Variants in ZNF804B observed in about 807,000 individuals in gnomAD.
ZNF804B encodes zinc finger 804B.
In ZNF804B, 80 loss-of-function variants were observed where a neutral mutation model predicts 101.4. That is an observed-to-expected ratio of 0.79 (90% CI 0.66 to 0.95). The LOEUF (loss-of-function observed/expected upper bound fraction) is 0.95. ZNF804B is among the 40% of genes least tolerant of loss of function. The probability of loss-of-function intolerance (pLI) is 0.00; values close to 1 mark genes in which losing one functional copy is unlikely to be tolerated. For missense variants in ZNF804B, 1,673 were observed against 1,561.9 expected (o/e 1.07, Z -1.20); for synonymous variants, 622 against 558.8 (o/e 1.11, Z -1.59).
chr7:89,160,546 A>G (rs980132166), intron 1 of ZNF804B, among the ~76,000 whole-genome samples: 2 of 152,190 alleles, frequency 1.3e-5, no homozygotes, highest in Non-Finnish European at 2.9e-5. Context: ...AGTAATCACT[A>G]AATAACACAG....
At chr7:89,314,932 T>A (rs1185057642) in intron 2 of ZNF804B, among the ~76,000 whole-genome samples, 1 of 152,218 alleles carries the variant, frequency 6.6e-6, no homozygotes, top group Non-Finnish European at 1.5e-5. Context: ...ACCAAGTTCC[T>A]ACTGGTGAAC....
intron 1 of ZNF804B, among the ~76,000 whole-genome samples, chr7:89,065,147 A>G (rs1465278464): frequency 6.6e-6 from 1 of 152,190 alleles, no homozygotes; most frequent in Non-Finnish European, 1.5e-5. Flanking sequence ...GGAGCTTGCC[A>G]GAGCAGCCCC....
At chr7:89,235,225 G>A (rs1384922151) in intron 2 of ZNF804B, among the ~76,000 whole-genome samples, 1 of 152,206 alleles carries the variant, frequency 6.6e-6, no homozygotes, top group South Asian at 2.1e-4. Flanking sequence ...AGAAATTTCT[G>A]TTTATTTTTT....
intron 1 of ZNF804B, among the ~76,000 whole-genome samples, chr7:88,878,234 G>A (rs190086562): frequency 1.6e-4 from 25 of 152,160 alleles, no homozygotes; most frequent in African/African-American, 5.5e-4. Context: ...AAGGGTTTTG[G>A]ATCCTCCTGT....
intron 1 of ZNF804B, among the ~76,000 whole-genome samples, chr7:88,847,784 T>A (rs10231232): frequency 6.6e-6 from 1 of 152,154 alleles, no homozygotes; most frequent in African/African-American, 2.4e-5. Context: ...TATGCTTCCT[T>A]AAGTAGTGAC....
intron 1 of ZNF804B, among the ~76,000 whole-genome samples, chr7:89,074,204 G>A (rs1789582787): frequency 6.6e-6 from 1 of 152,130 alleles, no homozygotes. Flanking sequence ...TGAATTTCTT[G>A]TAAAGTCAAA....
At chr7:89,238,846 T>C (rs1294454519) in intron 2 of ZNF804B, among the ~76,000 whole-genome samples, 1 of 152,162 alleles carries the variant, frequency 6.6e-6, no homozygotes, top group Non-Finnish European at 1.5e-5. Context: ...GCCCTGGGTG[T>C]TGTTGAGGCT....
chr7:89,157,023 A>G lies in ZNF804B; in HGVS notation c.109-61132A>G, dbSNP rs187673219. Among the ~76,000 whole-genome samples the G allele has an allele frequency of 3.4e-3, 513 of 152,248 alleles. 1 individual carries two copies. The highest frequency in any genetic ancestry group is 0.012 in the African/African-American group (487 of 41,552). On this transcript the variant is annotated intron_variant, in intron 1 of 3. Transcript: ENST00000333190. ...ACACCTGCCACTTGAAATCACCCTCATTTACTCGAGACTGCCACAGATGCA... is the reference window on the plus strand; with the variant it reads ...ACACCTGCCACTTGAAATCACCCTCGTTTACTCGAGACTGCCACAGATGCA...
chr7:88,781,750 T>G (rs757097422), intron 1 of ZNF804B, among the ~76,000 whole-genome samples: 48 of 151,374 alleles, frequency 3.2e-4, no homozygotes, highest in Non-Finnish European at 5.3e-4. Flanking sequence ...TGAACACAGA[T>G]CCTCAAATAT....
intron 1 of ZNF804B, among the ~76,000 whole-genome samples, chr7:89,014,252 G>A (rs188440371): frequency 1.3e-5 from 2 of 152,152 alleles, no homozygotes; most frequent in East Asian, 3.9e-4. Context: ...TCTAACTGTG[G>A]TCAGATGATA....
At chr7:89,174,006 A>T (rs989678536) in intron 1 of ZNF804B, among the ~76,000 whole-genome samples, 1 of 152,046 alleles carries the variant, frequency 6.6e-6, no homozygotes, top group Non-Finnish European at 1.5e-5. Flanking sequence ...ATTTTGTTAC[A>T]GGCATTCAAT....
chr7:89,008,342 A>C (rs1165751445), intron 1 of ZNF804B, among the ~76,000 whole-genome samples: 9 of 143,714 alleles, frequency 6.3e-5, no homozygotes, highest in South Asian at 2.1e-4. Flanking sequence ...GTGAGCACCC[A>C]AAAAAAACAG....
At chr7:89,222,728 A>T (rs1356551884) in intron 2 of ZNF804B, among the ~76,000 whole-genome samples, 2 of 151,916 alleles carry the variant, frequency 1.3e-5, no homozygotes, top group Non-Finnish European at 2.9e-5. Context: ...TAATGCAGAA[A>T]TTGACAACTT....
chr7:88,913,706 G>A (rs1209676975), intron 1 of ZNF804B, among the ~76,000 whole-genome samples: 2 of 152,068 alleles, frequency 1.3e-5, no homozygotes, highest in Non-Finnish European at 2.9e-5. Context: ...AGAATCTGGT[G>A]TATTTTTAAG....
chr7:88,767,176 C>T lies in ZNF804B; in HGVS notation c.108+7092C>T, dbSNP rs571391983. 3.1e-4 allele frequency among the ~76,000 whole-genome samples: 47 copies of T among 152,242 alleles called. No individual in the cohort carries two copies. In the South Asian group the frequency reaches 7.7e-3, roughly 25 times the overall value. On this transcript the variant is annotated intron_variant, in intron 1 of 3. Coordinates refer to ENST00000333190, the MANE Select transcript of ZNF804B (RefSeq NM_181646.5). The stretch of plus-strand genomic sequence containing the variant: ...TACTAGCCCTCGCAAATGGTAAGAA[C>T]TACTCTATTCTGTGCGCTCTTTCAC...
chr7:89,022,408 A>G (rs973134437), intron 1 of ZNF804B, among the ~76,000 whole-genome samples: 3 of 152,174 alleles, frequency 2.0e-5, no homozygotes, highest in African/African-American at 7.2e-5. Context: ...TTGGACCTTG[A>G]TGAAGGTGGA....
At chr7:88,882,874 G>T (rs1792064756) in intron 1 of ZNF804B, among the ~76,000 whole-genome samples, 1 of 152,034 alleles carries the variant, frequency 6.6e-6, no homozygotes, top group Non-Finnish European at 1.5e-5. Flanking sequence ...GAAGGAGGAA[G>T]GGGACAAGGG....
At chr7:88,913,791 A>G (rs1280087374) in intron 1 of ZNF804B, among the ~76,000 whole-genome samples, 2 of 152,228 alleles carry the variant, frequency 1.3e-5, no homozygotes, top group Non-Finnish European at 2.9e-5. Context: ...TAATTTAGCT[A>G]CCTGTCAAAA....
intron 1 of ZNF804B, among the ~76,000 whole-genome samples, chr7:88,788,023 G>C (rs1790327542): frequency 6.6e-6 from 1 of 152,082 alleles, no homozygotes; most frequent in Admixed American, 6.6e-5. Flanking sequence ...TTCTGACTTA[G>C]CAGCCGTTTG....
Sources: allele counts gnomAD v4.1 joint callset (sites outside exome capture counted in the v4.1 genomes callset), GRCh38; gene constraint gnomAD v4.1.1; transcripts MANE v1.5; gene names NCBI Gene and HGNC (gene_info 2026-07-23, HGNC 2026-07-21).